CGGBP1: variants seen among roughly 807,000 people sequenced by gnomAD.
CGGBP1 encodes CGG triplet repeat binding protein 1, also known as CGG triplet repeat-binding protein 1.
Under a neutral mutation model 11.4 loss-of-function variants are expected in CGGBP1, and 4 were observed. The ratio of observed to expected loss-of-function variants is 0.35; its 90% confidence interval spans 0.17 to 0.80. CGGBP1 has a LOEUF of 0.80. Among genes scored for constraint, CGGBP1 ranks in the 30% least tolerant of loss-of-function variants. The pLI, the probability that CGGBP1 is intolerant of heterozygous loss-of-function variation, is 0.52. For synonymous variants in CGGBP1, 76 were observed against 74.1 expected, an observed-to-expected ratio of 1.03 and a Z score of -0.13; for missense variants, 135 against 202.1, an observed-to-expected ratio of 0.67 and a Z score of 2.01.
intron 2 of CGGBP1, among the ~76,000 whole-genome samples, chr3:88,116,824 T>C (rs1279349865): frequency 1.3e-5 from 2 of 152,142 alleles, no homozygotes; most frequent in East Asian, 3.9e-4. Flanking sequence ...CTGTAGTACA[T>C]GTAAACTTTC....
At position 88,105,011 on chromosome 3, in the gene CGGBP1, G is replaced by A. The variant is rs191294595; in HGVS notation, c.-229+35959C>T. Among the ~76,000 whole-genome samples, 9 of 152,162 alleles carry A rather than the reference G, an allele frequency of 5.9e-5. 1 individual carries two copies. In the East Asian group the frequency reaches 1.4e-3, roughly 23 times the overall value. ...AAAAATTAGTCAGGTGTGGTGGCGCGCGCCTGTAATCCCAGCTACTCGGGA... is the reference window on the plus strand; with the variant it reads ...AAAAATTAGTCAGGTGTGGTGGCGCACGCCTGTAATCCCAGCTACTCGGGA... On this transcript the variant is annotated intron_variant, in intron 2 of 3. Transcript: ENST00000462901.
intron 2 of CGGBP1, among the ~76,000 whole-genome samples, chr3:88,080,391 A>G (rs1708017867): frequency 6.6e-6 from 1 of 152,178 alleles, no homozygotes; most frequent in South Asian, 2.1e-4. Flanking sequence ...TTATATCTGT[A>G]CTGTCTTTAT....
chr3:88,118,445 G>A (rs184787496), intron 2 of CGGBP1, among the ~76,000 whole-genome samples: 1 of 152,230 alleles, frequency 6.6e-6, no homozygotes, highest in Admixed American at 6.5e-5. Flanking sequence ...CCTTTGTGGG[G>A]CAAGTGTTGA....
At chr3:88,074,623 G>A (rs537441192) in intron 2 of CGGBP1, among the ~76,000 whole-genome samples, 1 of 152,220 alleles carries the variant, frequency 6.6e-6, no homozygotes, top group Non-Finnish European at 1.5e-5. Flanking sequence ...TTATAAGCGT[G>A]AGCCACTGCG....
intron 2 of CGGBP1, among the ~76,000 whole-genome samples, chr3:88,095,217 T>A (rs1703986706): frequency 1.3e-5 from 2 of 152,164 alleles, no homozygotes; most frequent in Admixed American, 1.3e-4. Flanking sequence ...TTTCCTTTTT[T>A]ATTTTTTCCC....
In CGGBP1 at chr3:88,087,029, A is replaced by G. The variant is rs553908969; in HGVS notation, c.-228-28806T>C. ...GATCTCCTGACCTCGTGATCTGCCT[A>G]CCTTGGCCTCCCAAAGTGCTGGGAT... On this transcript the variant is annotated intron_variant, in intron 2 of 3. Coordinates refer to the CGGBP1 transcript ENST00000462901. 3.3e-5 allele frequency among the ~76,000 whole-genome samples: 5 copies of G among 151,704 alleles called. No individual in the cohort carries two copies. The East Asian group carries it at 7.8e-4, about 24-fold the overall frequency.
chr3:88,148,658 A>G (rs1707351717), intron 1 of CGGBP1, among the ~76,000 whole-genome samples: 1 of 152,212 alleles, frequency 6.6e-6, no homozygotes. Context: ...TTTTTGAGAC[A>G]GGGTCTCGCT....
intron 2 of CGGBP1, among the ~76,000 whole-genome samples, chr3:88,103,984 A>G (rs962433257): frequency 3.3e-5 from 5 of 150,812 alleles, no homozygotes; most frequent in Admixed American, 3.3e-4. Flanking sequence ...CTGGTCTCGA[A>G]CTCCTTACCT....
chr3:88,140,811 G>T (rs199884128), intron 2 of CGGBP1: 5 of 1,613,548 alleles, frequency 3.1e-6, no homozygotes, highest in South Asian at 1.1e-5. Flanking sequence ...AAAACCATAC[G>T]TCAGACCATT....
intron 1 of CGGBP1, chr3:88,142,885 G>T (rs1387531138): frequency 6.6e-6 from 1 of 152,196 alleles, no homozygotes; most frequent in African/African-American, 2.4e-5. Context: ...ACTTAATAAA[G>T]TGTTAAAACA....
At chr3:88,088,811 C>T (rs564474535) in intron 2 of CGGBP1, among the ~76,000 whole-genome samples, 43 of 151,572 alleles carry the variant, frequency 2.8e-4, no homozygotes, top group Admixed American at 8.5e-4. Context: ...CTGGCTCTGT[C>T]GCCTAGGTTG....
chr3:88,148,287 G>C (rs112523219), intron 1 of CGGBP1, among the ~76,000 whole-genome samples: 41 of 151,960 alleles, frequency 2.7e-4, no homozygotes, highest in African/African-American at 9.7e-4. Context: ...ATTGTTTTTT[G>C]TCCCCAGTAC....
intron 2 of CGGBP1, chr3:88,139,851 A>G: frequency 1.3e-6 from 2 of 1,592,778 alleles, no homozygotes; most frequent in Non-Finnish European, 1.7e-6. Context: ...TCATAAAATC[A>G]ATGGAACTGT....
chr3:88,059,170 G>T (rs1706682152), upstream of CGGBP1: 3 of 1,403,470 alleles, frequency 2.1e-6, no homozygotes, highest in Non-Finnish European at 2.8e-6. Flanking sequence ...TGGGTGGGCG[G>T]AGCCGGAAGT....
At chr3:88,123,553 A>G (rs1705910007) in intron 2 of CGGBP1, among the ~76,000 whole-genome samples, 1 of 152,174 alleles carries the variant, frequency 6.6e-6, no homozygotes, top group Admixed American at 6.5e-5. Flanking sequence ...GCTTTCCCCT[A>G]GAAATTCTGA....
intron 2 of CGGBP1, among the ~76,000 whole-genome samples, chr3:88,122,559 A>C (rs1338699930): frequency 6.6e-5 from 10 of 152,164 alleles, no homozygotes; most frequent in Non-Finnish European, 1.5e-4. Context: ...TTTTCGCTCT[A>C]CCTTTGGCCA....
intron 2 of CGGBP1, among the ~76,000 whole-genome samples, chr3:88,067,418 C>T (rs1184413379): frequency 3.3e-5 from 5 of 152,208 alleles, no homozygotes; most frequent in Middle Eastern, 6.8e-3. Context: ...TTATCATAGC[C>T]GTGTGGATGG....
chr3:88,083,063 CTCTTCTTCCTCACTCTTCCTCCT>C (rs1471308436), intron 2 of CGGBP1, among the ~76,000 whole-genome samples: 1 of 151,912 alleles, frequency 6.6e-6, no homozygotes. Context: ...CTCTTCCTCC[CTCTTCTTCCTCACTCTTCCTCCT>C]CCTCACCACC....
chr3:88,116,563 C>T (rs1362049559), intron 2 of CGGBP1, among the ~76,000 whole-genome samples: 1 of 111,652 alleles, frequency 9.0e-6, no homozygotes, highest in African/African-American at 3.3e-5. Flanking sequence ...CATATATATA[C>T]ACACACACAC....
Sources: gnomAD v4.1 joint callset for allele counts (sites outside exome capture counted in the v4.1 genomes callset) on GRCh38, gnomAD v4.1.1 for gene constraint, MANE v1.5 for transcripts, NCBI Gene and HGNC (gene_info 2026-07-23, HGNC 2026-07-21) for gene names.